The following XRN1 variants were observed in gnomAD, a reference collection of about 807,000 sequenced individuals.
XRN1 encodes strand-exchange protein 1 homolog.
A neutral mutation model predicts 222.3 loss-of-function variants in XRN1; 67 were observed. That is an observed-to-expected ratio of 0.30 (90% CI 0.25 to 0.37). The LOEUF (loss-of-function observed/expected upper bound fraction) is 0.37. Among genes scored for constraint, XRN1 ranks in the 10% least tolerant of loss-of-function variants. The pLI, the probability that XRN1 is intolerant of heterozygous loss-of-function variation, is 1.00. For synonymous variants in XRN1, 643 were observed against 652.4 expected, an observed-to-expected ratio of 0.99 and a Z score of 0.22; for missense variants, 1,707 against 2,000.2, an observed-to-expected ratio of 0.85 and a Z score of 2.80.
intron 38 of XRN1, 21 bp from the exon 39 acceptor site, chr3:142,318,715 T>C (rs1180439333): frequency 6.2e-7 from 1 of 1,610,292 alleles, no homozygotes; most frequent in Non-Finnish European, 8.5e-7. Flanking sequence ...ATTTAAAAGT[T>C]ACAAGACAAT....
intron 1 of XRN1, among the ~76,000 whole-genome samples, chr3:142,442,121 A>AAT (rs1188864203): frequency 1.3e-5 from 2 of 152,204 alleles, no homozygotes; most frequent in Non-Finnish European, 2.9e-5. Context: ...AAAAAGGGTA[A>AAT]ATATATATAC....
chr3:142,328,130 C>T (rs1455051832), intron 37 of XRN1, among the ~76,000 whole-genome samples: 7 of 152,182 alleles, frequency 4.6e-5, no homozygotes, highest in Non-Finnish European at 1.5e-5. Flanking sequence ...CTGCAATATA[C>T]ATACAAATCA....
chr3:142,404,979 T>A lies in XRN1; in HGVS notation c.1811A>T (p.Asp604Val). Residue 604 changes from aspartate to valine, a missense_variant, in exon 16 of 41, where the codon GAT becomes GTT. Asp to Val is a radical substitution (Grantham distance 152, BLOSUM62 -3). This residue lies in a region of XRN1 where 1,234 missense variants were observed against 1,518.2 expected (regional missense o/e 0.81). Coordinates refer to ENST00000392981, the MANE Select transcript of XRN1 (RefSeq NM_001282857.2). ...AGGATAGATAAACTCTGTGTCTCTATCATACCAGCACATTAGGCACTCACT... is the reference window on the plus strand; with the variant it reads ...AGGATAGATAAACTCTGTGTCTCTAACATACCAGCACATTAGGCACTCACT... Reference protein sequence around the residue: ...QHSECLMCWYDRDTEFIYPSP... With the variant: ...QHSECLMCWYVRDTEFIYPSP... 6.2e-7 allele frequency: 1 copy of A among 1,614,054 alleles called. No homozygotes were observed.
At chr3:142,435,630 G>A (rs2069851481) in intron 1 of XRN1, among the ~76,000 whole-genome samples, 1 of 151,718 alleles carries the variant, frequency 6.6e-6, no homozygotes, top group Non-Finnish European at 1.5e-5. Context: ...GGTGGCGCAT[G>A]CCTGTAATCC....
Position 142,426,814 on chromosome 3 carries a change from A to G in XRN1, c.336T>C (p.Ile112=). ...FRSAKEAEDK[I]KKAIEKGETL... is the part of the protein sequence containing the mutation. Reference sequence around the variant, plus strand: ...TTTCTCCCTTCTCTATTGCCTTTTTAATTTTGTCTTCTGCCTCCTTTGCTG... The same window carrying G: ...TTTCTCCCTTCTCTATTGCCTTTTTGATTTTGTCTTCTGCCTCCTTTGCTG... Residue 112 remains isoleucine (I), a synonymous_variant, in exon 3 of 41, where the codon ATT becomes ATC. Coordinates refer to ENST00000392981, the MANE Select transcript of XRN1 (RefSeq NM_001282857.2). 4.3e-6 allele frequency: 7 copies of G among 1,613,700 alleles called. No individual in the cohort carries two copies. The highest frequency in any genetic ancestry group is 5.1e-6 in the Non-Finnish European group (6 of 1,179,918).
At chr3:142,345,967 G>A (rs956080493) in intron 33 of XRN1, among the ~76,000 whole-genome samples, 4 of 152,100 alleles carry the variant, frequency 2.6e-5, no homozygotes, top group Admixed American at 6.5e-5. Context: ...CAAACAGTTC[G>A]GCAGTTATAC....
intron 33 of XRN1, among the ~76,000 whole-genome samples, chr3:142,346,192 G>A (rs890112321): frequency 1.3e-5 from 2 of 152,186 alleles, no homozygotes; most frequent in African/African-American, 4.8e-5. Context: ...ATATTATTCA[G>A]CCATAAGAAA....
rs371267324 is a variant in XRN1, at chr3:142,315,308, T to G, written c.4622-2550A>C. On this transcript the variant is annotated intron_variant, in intron 39 of 40. Transcript: ENST00000392981. ...CTTTGACTATATAAACAATGTTTTGTTTTGGTTTGGTTTGGGCCTTTGGGG... is the reference window on the plus strand; with the variant it reads ...CTTTGACTATATAAACAATGTTTTGGTTTGGTTTGGTTTGGGCCTTTGGGG... 9.2e-5 allele frequency among the ~76,000 whole-genome samples: 14 copies of G among 152,054 alleles called. No individual in the cohort carries two copies. The East Asian group carries it at 2.3e-3, about 25-fold the overall frequency.
Position 142,358,882 on chromosome 3 carries a change from T to C in XRN1, c.3464+980A>G, listed in dbSNP as rs1278389084. Among the ~76,000 whole-genome samples the C allele has an allele frequency of 8.5e-5, 13 of 152,302 alleles. No individual in the cohort carries two copies. The East Asian group carries it at 2.5e-3, about 29-fold the overall frequency. ...AGGGTAATTAATTTTTTATTTTAAT[T>C]ACTCACTTATCAAAATAGAGGAAAA... is the stretch of plus-strand genomic sequence containing the variant. On this transcript the variant is annotated intron_variant, in intron 30 of 40. Transcript: ENST00000392981.
intron 20 of XRN1, among the ~76,000 whole-genome samples, chr3:142,392,245 GA>G (rs1383082188): frequency 6.6e-6 from 1 of 151,088 alleles, no homozygotes; most frequent in African/African-American, 2.4e-5. Context: ...CTACATGTAT[GA>G]TCTACCCACC....
Position 142,308,610 on chromosome 3 carries a change from C to T in XRN1, c.*2901G>A, listed in dbSNP as rs560574468. ...ATCAATTAATACATTCAAATTCTAA[C>T]GCTGAGGTAATTATTAGGTAATGCA... On this transcript the variant is annotated 3_prime_UTR_variant, in exon 41 of 41. Transcript: ENST00000392981. 8.5e-5 allele frequency: 13 copies of T among 152,174 alleles called. No individual in the cohort carries two copies. Among genetic ancestry groups the T allele is most frequent in the South Asian group, 8.3e-4 (4 of 4,824 alleles). 9.4% of individuals were successfully genotyped at this position (152,174 alleles called of 1,614,324 possible).
intron 33 of XRN1, among the ~76,000 whole-genome samples, chr3:142,345,720 T>C (rs960975935): frequency 1.4e-4 from 21 of 152,052 alleles, no homozygotes; most frequent in African/African-American, 5.1e-4. Flanking sequence ...GATTAAAAAA[T>C]CCAATTAAAA....
intron 30 of XRN1, 123 bp from the exon 31 acceptor site, chr3:142,357,242 G>A (rs938860991): frequency 3.2e-5 from 28 of 869,078 alleles, no homozygotes; most frequent in East Asian, 5.3e-5. Flanking sequence ...TTTTTAATTC[G>A]GTAGAGGAAC....
At chr3:142,403,651 T>C in intron 18 of XRN1, 23 bp downstream of exon 18, 2 of 1,599,106 alleles carry the variant, frequency 1.3e-6, no homozygotes, top group Non-Finnish European at 8.6e-7. Context: ...ATCTAATAAA[T>C]GAATGATAAA....
At chr3:142,425,151 T>G in intron 5 of XRN1, 71 bp downstream of exon 5, 1 of 1,086,502 alleles carries the variant, frequency 9.2e-7, no homozygotes, top group Non-Finnish European at 1.3e-6. Flanking sequence ...GTAAGCTTCC[T>G]GTACAAAATG....
In XRN1 at chr3:142,375,894, T is replaced by G; in HGVS notation, c.2882A>C (p.Lys961Thr). Residue 961 changes from lysine (K) to threonine (T), a missense_variant, in exon 25 of 41, where the codon AAG (lysine) becomes ACG (threonine). Around this residue, in one of 2 missense-constraint regions of XRN1, gnomAD observed 1,234 missense variants for 1,518.2 expected, o/e 0.81. Transcript: ENST00000392981. ...ATATCCAGGTACCTCCTCATTTTTC[T>G]TGTTGAATTTGAGATTTAAACCCAC... ...ANVGLNLKFN[K>T]KNEEVPGYTK... 2.5e-6 allele frequency: 4 copies of G among 1,613,980 alleles called. No individual in the cohort carries two copies. Among genetic ancestry groups the G allele is most frequent in the South Asian group, 2.2e-5 (2 of 91,068 alleles).
chr3:142,401,901 T>C (rs1332383828), intron 18 of XRN1, among the ~76,000 whole-genome samples: 1 of 152,210 alleles, frequency 6.6e-6, no homozygotes, highest in East Asian at 1.9e-4. Context: ...TTTGAGTTTT[T>C]ATTATTCTTC....
intron 2 of XRN1, 59 bp from the exon 3 acceptor site, chr3:142,426,900 T>C (rs2069277411): frequency 1.1e-5 from 15 of 1,332,178 alleles, no homozygotes; most frequent in Admixed American, 7.0e-5. Flanking sequence ...AAGATCTTTA[T>C]ATAAACTGCT....
At chr3:142,379,974 A>T in intron 23 of XRN1, 108 bp downstream of exon 23, 1 of 825,830 alleles carries the variant, frequency 1.2e-6, no homozygotes. Flanking sequence ...GAATCTAATC[A>T]TTATTAAATA....
Sources: allele counts gnomAD v4.1 joint callset (sites outside exome capture counted in the v4.1 genomes callset), GRCh38; gene constraint gnomAD v4.1.1; regional missense constraint gnomAD v4.1.1; transcripts MANE v1.5; gene names NCBI Gene and HGNC (gene_info 2026-07-23, HGNC 2026-07-21).